Variants in PLEKHG5 observed in about 807,000 individuals in gnomAD.
PLEKHG5 encodes the protein pleckstrin homology and RhoGEF domain containing G5, also known as pleckstrin homology domain-containing family G member 5.
Under a neutral mutation model 103.8 loss-of-function variants are expected in PLEKHG5, and 52 were observed. That is an observed-to-expected ratio of 0.50 (90% CI 0.40 to 0.63). PLEKHG5 has a LOEUF of 0.63. PLEKHG5 is among the 30% of genes least tolerant of loss of function. The pLI, the probability that PLEKHG5 is intolerant of heterozygous loss-of-function variation, is 0.00. For synonymous variants in PLEKHG5, 592 were observed against 575.5 expected (o/e 1.03, Z -0.41); for missense variants, 1,205 against 1,347.6 (o/e 0.89, Z 1.66).
chr1:6,495,362 C>T (rs1645209132), upstream of PLEKHG5, among the ~76,000 whole-genome samples: 1 of 152,214 alleles, frequency 6.6e-6, no homozygotes, highest in Admixed American at 6.5e-5. Context: ...CCTGTTCCCT[C>T]ACCACGGCCC....
At chr1:6,488,406 C>T (rs1645079787) in intron 1 of PLEKHG5, among the ~76,000 whole-genome samples, 1 of 152,214 alleles carries the variant, frequency 6.6e-6, no homozygotes, top group South Asian at 2.1e-4. Flanking sequence ...GCAACAGGGC[C>T]CTGGAGATTG....
intron 1 of PLEKHG5, among the ~76,000 whole-genome samples, chr1:6,509,553 C>T (rs1023893443): frequency 6.6e-5 from 10 of 152,338 alleles, no homozygotes; most frequent in African/African-American, 2.4e-4. Context: ...CACGGCCACT[C>T]GGGAGACGTA....
chr1:6,517,151 C>CA (rs1638649072), intron 1 of PLEKHG5, among the ~76,000 whole-genome samples: 4 of 150,238 alleles, frequency 2.7e-5, no homozygotes, highest in East Asian at 3.9e-4. Flanking sequence ...ACTAAAAATA[C>CA]AAAAAATTAG....
intron 1 of PLEKHG5, among the ~76,000 whole-genome samples, chr1:6,479,487 C>T (rs1234874024): frequency 7.9e-5 from 12 of 151,972 alleles, no homozygotes; most frequent in African/African-American, 2.4e-4. Context: ...GGGGTTTCAC[C>T]GTGTTAGCCA....
At chr1:6,508,496 C>T (rs1037267867) in intron 1 of PLEKHG5, among the ~76,000 whole-genome samples, 2 of 152,314 alleles carry the variant, frequency 1.3e-5, no homozygotes, top group South Asian at 4.1e-4. Flanking sequence ...GGGAGGCCCC[C>T]CCAGGCCAGT....
chr1:6,481,593 G>A (rs1219348632), intron 1 of PLEKHG5, among the ~76,000 whole-genome samples: 1 of 149,672 alleles, frequency 6.7e-6, no homozygotes, highest in African/African-American at 2.5e-5. Flanking sequence ...GCCAGGCGCG[G>A]TGGCTCATGC....
chr1:6,468,895 C>T (rs1364627961), intron 19 of PLEKHG5, 147 bp downstream of exon 19: 12 of 760,710 alleles, frequency 1.6e-5, no homozygotes, highest in Admixed American at 1.4e-4. Flanking sequence ...CCTCCCCACC[C>T]GGACTCTGGG....
At chr1:6,475,415 G>C (rs761743929) in intron 4 of PLEKHG5, 47 bp downstream of exon 4, 1 of 1,536,098 alleles carries the variant, frequency 6.5e-7, no homozygotes, top group African/African-American at 1.4e-5. Context: ...GGGGAAGGGC[G>C]CAGGCTGTAG....
At chr1:6,474,611 T>C (rs1409147894) in intron 5 of PLEKHG5, 24 bp from the exon 6 acceptor site, 1 of 1,612,630 alleles carries the variant, frequency 6.2e-7, no homozygotes, top group South Asian at 1.1e-5. Flanking sequence ...AGGAGGCATG[T>C]GTGTTAGAAC....
At chr1:6,513,964 C>A (rs1280774971) in intron 1 of PLEKHG5, among the ~76,000 whole-genome samples, 1 of 152,188 alleles carries the variant, frequency 6.6e-6, no homozygotes, top group Non-Finnish European at 1.5e-5. Flanking sequence ...GAGGCTGTTT[C>A]CTGAGAGCCT....
chr1:6,470,892 G>A lies in PLEKHG5; in HGVS notation c.1393-8C>T. The A allele has an allele frequency of 1.4e-6, 2 of 1,412,512 alleles. No individual in the cohort carries two copies. Among genetic ancestry groups the A allele is most frequent in the Middle Eastern group, 1.8e-4 (1 of 5,612 alleles). The allele number at this position is 1,412,512 out of a possible 1,614,324, so 87.5% of individuals were successfully genotyped here. A position where few individuals can be genotyped will look rare whatever the true frequency, so the allele number is the denominator to read the frequency against. On this transcript the variant is annotated splice_polypyrimidine_tract_variant and splice_region_variant and intron_variant, in intron 13 of 20. Coordinates refer to ENST00000377728, the MANE Select transcript of PLEKHG5 (RefSeq NM_020631.6). ...TGGGTGCTTCTCCGCCCACTGCGGTGGGGGAGTGGGGGCGGGCTCAGGGCA... is the reference window on the plus strand; with the variant it reads ...TGGGTGCTTCTCCGCCCACTGCGGTAGGGGAGTGGGGGCGGGCTCAGGGCA...
chr1:6,467,913 C>T lies in PLEKHG5; in HGVS notation c.2923G>A (p.Gly975Arg), dbSNP rs752990089. 6.2e-7 allele frequency: 1 copy of T among 1,600,668 alleles called. No homozygotes were observed. Among genetic ancestry groups the T allele is most frequent in the South Asian group, 1.1e-5 (1 of 89,326 alleles). Reference sequence around the variant, plus strand: ...AGCTTCCTGTGCTGGGCAGAGACCCCTGGTGGGGGCTCAGGCTGGACCCTG... The same window carrying T: ...AGCTTCCTGTGCTGGGCAGAGACCCTTGGTGGGGGCTCAGGCTGGACCCTG... ...SPRVQPEPPP[G>R]VSAQHRKLTL... The change falls in exon 20 of 21, where the codon GGG (glycine) becomes AGG (arginine). Residue 975 changes from glycine to arginine, a missense_variant. Transcript: ENST00000377728.
intron 1 of PLEKHG5, among the ~76,000 whole-genome samples, chr1:6,518,370 A>G (rs12141899): frequency 0.83 from 124,821 of 150,612 alleles, 52,454 homozygotes; most frequent in Non-Finnish European, 0.89. Flanking sequence ...AGACCAGCCC[A>G]ACCAACATGG....
At position 6,473,997 on chromosome 1, in the gene PLEKHG5, AC is replaced by A. The variant is rs758663700; in HGVS notation, c.591+15del. Reference sequence around the variant, plus strand: ...CCCTTCCCACCCCCTCCCCTGACACACCCCCTCCTCCTCACCAAGATGTCCA... The same window carrying A: ...CCCTTCCCACCCCCTCCCCTGACACACCCCTCCTCCTCACCAAGATGTCCA... On this transcript the variant is annotated intron_variant, in intron 7 of 20. Coordinates refer to ENST00000377728, the MANE Select transcript of PLEKHG5 (RefSeq NM_020631.6). 18 of 994,430 alleles carry A rather than the reference AC, an allele frequency of 1.8e-5. No individual in the cohort carries two copies. Among genetic ancestry groups the A allele is most frequent in the Non-Finnish European group, 1.9e-5 (13 of 693,734 alleles). The allele number at this position is 994,430 out of a possible 1,614,324, so 61.6% of individuals were successfully genotyped here. A position where few individuals can be genotyped will look rare whatever the true frequency, so the allele number is the denominator to read the frequency against.
intron 1 of PLEKHG5, among the ~76,000 whole-genome samples, chr1:6,513,820 TG>T: frequency 6.6e-6 from 1 of 152,366 alleles, no homozygotes; most frequent in Admixed American, 6.5e-5. Flanking sequence ...CTGCCTCGGA[TG>T]GGCCTTGTCT....
At chr1:6,468,931 G>T in intron 19 of PLEKHG5, 111 bp downstream of exon 19, 1 of 938,072 alleles carries the variant, frequency 1.1e-6, no homozygotes, top group Non-Finnish European at 1.7e-6. Flanking sequence ...CTCCCACAGT[G>T]TTCATGACAA....
rs1644512185 is a variant in PLEKHG5 at position 6,469,738 on chromosome 1, C to T, written c.1801-62G>A. ...GCAGGGTCAGGGCCAGGGACTGTGG[C>T]ACCAGCCTCCCCTGGGAGCACTCGG... is the stretch of plus-strand genomic sequence containing the variant. On this transcript the variant is annotated intron_variant, in intron 16 of 20. Transcript: ENST00000377728. 10 of 1,560,008 alleles carry T rather than the reference C, an allele frequency of 6.4e-6. No individual in the cohort carries two copies. The South Asian group carries it at 1.0e-4, about 16-fold the overall frequency.
chr1:6,490,800 A>C lies in PLEKHG5; in HGVS notation c.-88+837T>G, dbSNP rs1321494274. Among the ~76,000 whole-genome samples the C allele has an allele frequency of 6.6e-6, 1 of 152,110 alleles. No homozygotes were observed. The highest frequency in any genetic ancestry group is 2.4e-5 in the African/African-American group (1 of 41,420). ...GGGGTGGGGGGCGTCACTGTCCCCG[A>C]GGGGCCAGCCCTTTGCAGATCTCCA... On this transcript the variant is annotated intron_variant, in intron 1 of 20. Transcript: ENST00000377728. This position sits in a 1 kb window ranked among gnomAD's most constrained non-coding sequence, Gnocchi z 8.0.
At position 6,483,875 on chromosome 1, in the gene PLEKHG5, C is replaced by T. The variant is rs556032255; in HGVS notation, c.-87-6217G>A. ...CCTCTTCCTGGGAGCCCCCCGTCTG[C>T]GGGCTCCGCAGCCCTCTGGCCCTCT... On this transcript the variant is annotated intron_variant, in intron 1 of 20. Coordinates refer to ENST00000377728, the MANE Select transcript of PLEKHG5 (RefSeq NM_020631.6). Among the ~76,000 whole-genome samples, 567 of 152,330 alleles carry T rather than the reference C, an allele frequency of 3.7e-3. 6 individuals carry two copies. Among genetic ancestry groups the T allele is most frequent in the Non-Finnish European group, 2.1e-3 (146 of 68,020 alleles).
Sources: gnomAD v4.1 joint callset for allele counts (sites outside exome capture counted in the v4.1 genomes callset) on GRCh38, gnomAD v4.1.1 for gene constraint, Gnocchi (gnomAD v3.1) non-coding constraint, MANE v1.5 for transcripts, NCBI Gene and HGNC (gene_info 2026-07-23, HGNC 2026-07-21) for gene names.